FAM78A: variants seen among roughly 807,000 people sequenced by gnomAD.
The protein encoded by FAM78A is protein FAM78A.
In FAM78A, 12 loss-of-function variants were observed where a neutral mutation model predicts 22.6. The ratio of observed to expected loss-of-function variants is 0.53; its 90% CI spans 0.34 to 0.86. FAM78A has a LOEUF of 0.86. FAM78A is among the 40% of genes least tolerant of loss of function. The pLI, the probability that FAM78A is intolerant of heterozygous loss-of-function variation, is 0.02. For synonymous variants in FAM78A, 151 were observed against 155.8 expected, an observed-to-expected ratio of 0.97 and a Z score of 0.23; for missense variants, 322 against 396.1, an observed-to-expected ratio of 0.81 and a Z score of 1.59.
chr9:131,261,448 G>T lies in FAM78A; in HGVS notation c.324-98C>A. The T allele has an allele frequency of 8.0e-7, 1 of 1,247,872 alleles. No homozygotes were observed. Among genetic ancestry groups the T allele is most frequent in the Non-Finnish European group, 1.1e-6 (1 of 927,560 alleles). The allele number at this position is 1,247,872 out of a possible 1,614,324, so 77.3% of individuals were successfully genotyped here. On this transcript the variant is annotated intron_variant, in intron 1 of 1. Coordinates refer to ENST00000372271, the MANE Select transcript of FAM78A (RefSeq NM_033387.4). This position sits in a 1 kb window ranked among gnomAD's most constrained non-coding sequence, Gnocchi z 7.1. ...GGGGCTGTCCTGGGCCCTGAGGATG[G>T]AACGGACCCAGCAGACCACCCGGTC...
chr9:131,269,445 A>G (rs1835389329), intron 1 of FAM78A, among the ~76,000 whole-genome samples: 1 of 151,332 alleles, frequency 6.6e-6, no homozygotes, highest in Admixed American at 6.6e-5. Flanking sequence ...GCTTTTTGCT[A>G]TTAGGAGCCG....
rs984988551 is a variant in FAM78A, at chr9:131,262,408, T to C, written c.324-1058A>G. On this transcript the variant is annotated intron_variant, in intron 1 of 1. Coordinates refer to ENST00000372271, the MANE Select transcript of FAM78A (RefSeq NM_033387.4). ...GAAGAATTGCTTGAACCTGGGAGGC[T>C]GGGTTTGCGGTGAGCTGAGATTGTG... Among the ~76,000 whole-genome samples, 4 of 146,894 alleles carry C rather than the reference T, an allele frequency of 2.7e-5. No individual in the cohort carries two copies. The Admixed American group carries it at 2.7e-4, about 10-fold the overall frequency.
At position 131,276,361 on chromosome 9, in the gene FAM78A, T is replaced by C; in HGVS notation, c.-182A>G. On this transcript the variant is annotated 5_prime_UTR_variant, in exon 1 of 2. Coordinates refer to ENST00000372271, the MANE Select transcript of FAM78A (RefSeq NM_033387.4). The surrounding 1 kb of genome is among the most constrained non-coding windows in gnomAD (Gnocchi z 4.3). ...TCATGAGCCCTGGGCTCTCTCTTCT[T>C]CTCCTCGCAGTGGACAAAAATCACC... 2 of 540,626 alleles carry C rather than the reference T, an allele frequency of 3.7e-6. No individual in the cohort carries two copies. 33.5% of individuals were successfully genotyped at this position (540,626 alleles called of 1,614,324 possible). A position where few individuals can be genotyped will look rare whatever the true frequency, so the allele number is the denominator to read the frequency against.
chr9:131,273,935 C>T (rs569167011), intron 1 of FAM78A, among the ~76,000 whole-genome samples: 15 of 152,354 alleles, frequency 9.8e-5, no homozygotes, highest in Admixed American at 7.2e-4. Context: ...TGGAGAGTGG[C>T]AGAACCTGGC....
intron 1 of FAM78A, among the ~76,000 whole-genome samples, chr9:131,273,204 C>T (rs1003931788): frequency 9.2e-5 from 14 of 152,210 alleles, no homozygotes; most frequent in African/African-American, 3.4e-4. Context: ...CTCGCTGAAT[C>T]CTCACAGCAG....
rs1835433922 is a variant in FAM78A, at chr9:131,272,637, G to T, written c.323+3220C>A. On this transcript the variant is annotated intron_variant, in intron 1 of 1. Coordinates refer to ENST00000372271, the MANE Select transcript of FAM78A (RefSeq NM_033387.4). This position sits in a 1 kb window ranked among gnomAD's most constrained non-coding sequence, Gnocchi z 4.1. ...AGGAGGCCTGGGGCAGGGGAGACAG[G>T]AAGGGGGTTTTAAATCCCACCCAAG... Among the ~76,000 whole-genome samples, 1 of 152,192 alleles carries T rather than the reference G, an allele frequency of 6.6e-6. No individual in the cohort carries two copies. Among genetic ancestry groups the T allele is most frequent in the African/African-American group, 2.4e-5 (1 of 41,436 alleles).
In FAM78A at chr9:131,261,126, ATAT is replaced by A. The variant is rs1293261783; in HGVS notation, c.545_547del (p.Asn182del). The A allele has an allele frequency of 1.2e-6, 2 of 1,614,064 alleles. No individual in the cohort carries two copies. The highest frequency in any genetic ancestry group is 1.7e-6 in the Non-Finnish European group (2 of 1,179,966). ...GGTGGTGAAGCTCTGGTCCCGGTAG[ATAT>A]TGGTGAGCTTGGCCACGTTGCTCTC... On this transcript the variant is annotated inframe_deletion, in exon 2 of 2. Coordinates refer to ENST00000372271, the MANE Select transcript of FAM78A (RefSeq NM_033387.4). The surrounding 1 kb of genome is among the most constrained non-coding windows in gnomAD (Gnocchi z 7.1).
In FAM78A at chr9:131,261,229, T is replaced by C; in HGVS notation, c.445A>G (p.Lys149Glu). Residue 149 changes from lysine to glutamate, a missense_variant, in exon 2 of 2, where the codon AAG becomes GAG. Transcript: ENST00000372271. The surrounding 1 kb of genome is among the most constrained non-coding windows in gnomAD (Gnocchi z 7.1). Reference protein sequence around the residue: ...TETCTIVGPTKRDSKFIISMN... With the variant: ...TETCTIVGPTERDSKFIISMN... The stretch of plus-strand genomic sequence containing the variant: ...CTGATGATGAACTTGGAGTCCCTCT[T>C]GGTGGGGCCCACGATGGTGCAGGTC... 2 of 1,613,366 alleles carry C rather than the reference T, an allele frequency of 1.2e-6. No homozygotes were observed. The highest frequency in any genetic ancestry group is 1.1e-5 in the South Asian group (1 of 91,060).
intron 1 of FAM78A, among the ~76,000 whole-genome samples, chr9:131,267,092 C>A (rs896298082): frequency 6.6e-6 from 1 of 152,196 alleles, no homozygotes. Context: ...AGGAGACTTA[C>A]GGCAGTGAGA....
rs1160071681 is a variant in FAM78A at position 131,261,677 on chromosome 9, C to T, written c.324-327G>A. 6.6e-6 allele frequency among the ~76,000 whole-genome samples: 1 copy of T among 152,320 alleles called. No individual in the cohort carries two copies. The highest frequency in any genetic ancestry group is 1.9e-4 in the East Asian group (1 of 5,178). ...CACCCCAGACTGTAGGGGCCCCTTA[C>T]TTTAACATTACAGGCTCACAGACAA... On this transcript the variant is annotated intron_variant, in intron 1 of 1. Transcript: ENST00000372271. This position sits in a 1 kb window ranked among gnomAD's most constrained non-coding sequence, Gnocchi z 7.1.
At chr9:131,263,215 G>A (rs1588196818) in intron 1 of FAM78A, among the ~76,000 whole-genome samples, 1 of 148,352 alleles carries the variant, frequency 6.7e-6, no homozygotes, top group Non-Finnish European at 1.5e-5. Context: ...CTCCAGCCTG[G>A]GCGATAAGAG....
rs1026884761 is a variant in FAM78A at position 131,274,404 on chromosome 9, C to T, written c.323+1453G>A. ...GCGTTCTTAGAAAAGGTCCTCACTG[C>T]ATAACTAAGAATCATGTTTCCCTGC... On this transcript the variant is annotated intron_variant, in intron 1 of 1. Coordinates refer to ENST00000372271, the MANE Select transcript of FAM78A (RefSeq NM_033387.4). This position sits in a 1 kb window ranked among gnomAD's most constrained non-coding sequence, Gnocchi z 4.2. 3.3e-5 allele frequency among the ~76,000 whole-genome samples: 5 copies of T among 152,210 alleles called. No individual in the cohort carries two copies. The highest frequency in any genetic ancestry group is 1.2e-4 in the African/African-American group (5 of 41,448).
chr9:131,271,001 C>CTTTT (rs60077536), intron 1 of FAM78A, among the ~76,000 whole-genome samples: 4 of 70,368 alleles, frequency 5.7e-5, no homozygotes, highest in Admixed American at 1.4e-4. Flanking sequence ...TCCCACCAGT[C>CTTTT]TTTTTTTTTT....
upstream of FAM78A, among the ~76,000 whole-genome samples, chr9:131,277,914 C>G (rs1379952917): frequency 1.3e-5 from 2 of 150,194 alleles, no homozygotes; most frequent in Non-Finnish European, 3.0e-5. This position sits in a 1 kb window ranked among gnomAD's most constrained non-coding sequence, Gnocchi z 8.4. Context: ...CCGGGTCAAA[C>G]TTTGCAGAAA....
Position 131,275,094 on chromosome 9 carries a change from C to CCCCAGGGT in FAM78A, c.323+755_323+762dup, listed in dbSNP as rs1424072991. Among the ~76,000 whole-genome samples, 2 of 152,168 alleles carry CCCCAGGGT rather than the reference C, an allele frequency of 1.3e-5. No individual in the cohort carries two copies. The highest frequency in any genetic ancestry group is 2.9e-5 in the Non-Finnish European group (2 of 68,018). On this transcript the variant is annotated intron_variant, in intron 1 of 1. Coordinates refer to ENST00000372271, the MANE Select transcript of FAM78A (RefSeq NM_033387.4). This position sits in a 1 kb window ranked among gnomAD's most constrained non-coding sequence, Gnocchi z 4.6. Reference sequence around the variant, plus strand: ...GTCAGGAAGCAGGCCAGGAAAGGAGCCCCAGGGTCCCAGGGTCCTCACCGG... The same window carrying CCCCAGGGT: ...GTCAGGAAGCAGGCCAGGAAAGGAGCCCCAGGGTCCCAGGGTCCCAGGGTCCTCACCGG...
chr9:131,261,469 C>G lies in FAM78A; in HGVS notation c.324-119G>C, dbSNP rs1471916587. On this transcript the variant is annotated intron_variant, in intron 1 of 1. Transcript: ENST00000372271. This position sits in a 1 kb window ranked among gnomAD's most constrained non-coding sequence, Gnocchi z 7.1. ...GATGGAACGGACCCAGCAGACCACC[C>G]GGTCCCCTTTGACGTTCTGGGGGCA... 3 of 960,056 alleles carry G rather than the reference C, an allele frequency of 3.1e-6. No homozygotes were observed. Among genetic ancestry groups the G allele is most frequent in the Admixed American group, 3.0e-5 (1 of 33,190 alleles). The allele number at this position is 960,056 out of a possible 1,614,324, so 59.5% of individuals were successfully genotyped here. A position where few individuals can be genotyped will look rare whatever the true frequency, so the allele number is the denominator to read the frequency against.
chr9:131,261,047 C>G lies in FAM78A; in HGVS notation c.627G>C (p.Leu209=). 1 of 1,614,160 alleles carries G rather than the reference C, an allele frequency of 6.2e-7. No homozygotes were observed. The highest frequency in any genetic ancestry group is 8.5e-7 in the Non-Finnish European group (1 of 1,180,026). ...CGATGCTGAGCTGCATGCGCCAGTGCAGCGTCTGCAGGATGATCATGTCGT... is the reference window on the plus strand; with the variant it reads ...CGATGCTGAGCTGCATGCGCCAGTGGAGCGTCTGCAGGATGATCATGTCGT... ...STNDMIILQT[L]HWRMQLSIEV... is the part of the protein sequence containing the mutation. Residue 209 remains leucine (L), a synonymous_variant, in exon 2 of 2, where the codon CTG becomes CTC. Coordinates refer to ENST00000372271, the MANE Select transcript of FAM78A (RefSeq NM_033387.4). This position sits in a 1 kb window ranked among gnomAD's most constrained non-coding sequence, Gnocchi z 7.1.
upstream of FAM78A, among the ~76,000 whole-genome samples, chr9:131,277,620 C>G (rs1835502012): frequency 6.6e-6 from 1 of 151,690 alleles, no homozygotes; most frequent in Non-Finnish European, 1.5e-5. This position sits in a 1 kb window ranked among gnomAD's most constrained non-coding sequence, Gnocchi z 8.4. Flanking sequence ...CGGGCACGTT[C>G]TTGGGGCGCC....
In FAM78A at chr9:131,261,261, G is replaced by C; in HGVS notation, c.413C>G (p.Thr138Ser). 2 of 1,611,246 alleles carry C rather than the reference G, an allele frequency of 1.2e-6. No homozygotes were observed. Among genetic ancestry groups the C allele is most frequent in the Non-Finnish European group, 1.7e-6 (2 of 1,179,742 alleles). The change falls in exon 2 of 2, where the codon ACC becomes AGC. Residue 138 changes from threonine to serine, a missense_variant. Thr to Ser is a moderately conservative substitution (Grantham distance 58). Coordinates refer to ENST00000372271, the MANE Select transcript of FAM78A (RefSeq NM_033387.4). This position sits in a 1 kb window ranked among gnomAD's most constrained non-coding sequence, Gnocchi z 7.1. ...DGVNYPWYGN[T>S]TETCTIVGPT... ...GCCCACGATGGTGCAGGTCTCTGTG[G>C]TGTTGCCGTACCAGGGGTAGTTCAC...
Sources: gnomAD v4.1 joint callset for allele counts (sites outside exome capture counted in the v4.1 genomes callset) on GRCh38, gnomAD v4.1.1 for gene constraint, Gnocchi (gnomAD v3.1) non-coding constraint, MANE v1.5 for transcripts, NCBI Gene and HGNC (gene_info 2026-07-23, HGNC 2026-07-21) for gene names.